The following ALDH3A1 variants were observed in gnomAD, a reference collection of about 807,000 sequenced individuals.
The protein encoded by ALDH3A1 is aldehyde dehydrogenase, dimeric NADP-preferring.
ALDH3A1 carries 46 observed loss-of-function variants against 49.9 expected under a neutral mutation model. The observed-to-expected ratio is 0.92, with a 90% confidence interval of 0.73 to 1.18. The LOEUF (loss-of-function observed/expected upper bound fraction) is 1.18, where lower values mean the gene tolerates loss of function less well. ALDH3A1 is among the 50% of genes most tolerant of loss of function. The pLI, the probability that ALDH3A1 is intolerant of heterozygous loss-of-function variation, is 0.00. For missense variants in ALDH3A1, 592 were observed against 611.8 expected (o/e 0.97, Z 0.34); for synonymous variants, 269 against 253.3 (o/e 1.06, Z -0.59).
rs1198473403 is a variant in ALDH3A1 at position 19,748,124 on chromosome 17, T to G, written c.-6+135A>C. 2 of 320,282 alleles carry G rather than the reference T, an allele frequency of 6.2e-6. No homozygotes were observed. Among genetic ancestry groups the G allele is most frequent in the East Asian group, 1.5e-4 (2 of 13,066 alleles). 19.8% of individuals were successfully genotyped at this position (320,282 alleles called of 1,614,324 possible). On this transcript the variant is annotated intron_variant, in intron 1 of 10. Transcript: ENST00000225740. The surrounding 1 kb of genome is among the most constrained non-coding windows in gnomAD (Gnocchi z 4.4). ...AGCTGCCAGAGGTCCAGGAGGATGC[T>G]CCAGAGATGATGGTCCCAGAGGCAG...
Position 19,743,730 on chromosome 17 carries a change from C to T in ALDH3A1, c.163-267G>A. 1 of 981,042 alleles carries T rather than the reference C, an allele frequency of 1.0e-6. No homozygotes were observed. The highest frequency in any genetic ancestry group is 1.2e-6 in the Non-Finnish European group (1 of 829,596). The allele number at this position is 981,042 out of a possible 1,614,324, so 60.8% of individuals were successfully genotyped here. On this transcript the variant is annotated intron_variant, in intron 2 of 10. Transcript: ENST00000225740. The surrounding 1 kb of genome is among the most constrained non-coding windows in gnomAD (Gnocchi z 4.4). Reference sequence around the variant, plus strand: ...AGCCGGTGAAGGGACCAGGCATGGGCAACGGAATGGATCCAGGTAGGGGGA... The same window carrying T: ...AGCCGGTGAAGGGACCAGGCATGGGTAACGGAATGGATCCAGGTAGGGGGA...
intron 5 of ALDH3A1, 117 bp from the exon 6 acceptor site, chr17:19,741,327 T>C: frequency 1.2e-6 from 1 of 828,790 alleles, no homozygotes; most frequent in South Asian, 1.5e-5. Flanking sequence ...TTGCCACCAG[T>C]GAGTCCTCCC....
chr17:19,744,295 G>A (rs2086557369), intron 2 of ALDH3A1: 2 of 675,440 alleles, frequency 3.0e-6, no homozygotes, highest in Admixed American at 1.3e-4. Context: ...CCCAGCTACT[G>A]GGGAGGCTGA....
intron 5 of ALDH3A1, chr17:19,741,433 G>T (rs2086490604): frequency 2.0e-6 from 1 of 498,820 alleles, no homozygotes; most frequent in East Asian, 3.5e-5. Context: ...GAGGACGTCT[G>T]TTGAGGGCAA....
chr17:19,742,336 G>T (rs1490025435), intron 4 of ALDH3A1, 124 bp from the exon 5 acceptor site: 2 of 1,190,472 alleles, frequency 1.7e-6, no homozygotes, highest in South Asian at 1.4e-5. Flanking sequence ...CCTTGGGCGG[G>T]GGGTAGCAGT....
intron 7 of ALDH3A1, among the ~76,000 whole-genome samples, chr17:19,739,888 C>T (rs773261701): frequency 1.2e-4 from 18 of 152,174 alleles, no homozygotes; most frequent in Admixed American, 2.6e-4. Context: ...TTAACCTGTA[C>T]GGAAGGACCC....
intron 2 of ALDH3A1, 73 bp downstream of exon 2, chr17:19,744,895 T>TGCCCCGCCCCCCCC: frequency 1.1e-6 from 1 of 924,176 alleles, no homozygotes; most frequent in Non-Finnish European, 1.4e-6. Flanking sequence ...GGTCGCACTC[T>TGCCCCGCCCCCCCC]CCCCAGCCCC....
At chr17:19,744,918 C>CCCT in intron 2 of ALDH3A1, 50 bp downstream of exon 2, 1 of 1,382,434 alleles carries the variant, frequency 7.2e-7, no homozygotes, top group South Asian at 1.4e-5. Flanking sequence ...CCCCCACGCC[C>CCCT]CATCGCATGG....
rs548349445 is a variant in ALDH3A1 at position 19,742,719 on chromosome 17, A to G, written c.395-89T>C. ...GGACCACACCTGAAGCCTCCCCTCC[A>G]TTGTGTGTCCTCGGGACAGTGGATG... On this transcript the variant is annotated intron_variant, in intron 3 of 10. Coordinates refer to ENST00000225740, the MANE Select transcript of ALDH3A1 (RefSeq NM_000691.5). 57 of 1,600,898 alleles carry G rather than the reference A, an allele frequency of 3.6e-5. No homozygotes were observed. The East Asian group carries it at 9.9e-4, about 28-fold the overall frequency.
At chr17:19,742,390 C>G (rs941702774) in intron 4 of ALDH3A1, among the ~76,000 whole-genome samples, 155 bp downstream of exon 4, 1 of 152,158 alleles carries the variant, frequency 6.6e-6, no homozygotes, top group South Asian at 2.1e-4. Flanking sequence ...GCTCTGTTCA[C>G]CCCAATGAGA....
intron 2 of ALDH3A1, 67 bp downstream of exon 2, chr17:19,744,901 G>GT: frequency 4.6e-6 from 2 of 434,632 alleles, no homozygotes; most frequent in Non-Finnish European, 6.4e-6. Flanking sequence ...ACTCTCCCCA[G>GT]CCCCTCCCCC....
chr17:19,739,504 C>A lies in ALDH3A1; in HGVS notation c.1116+4G>T, dbSNP rs1409761139. ...GCAGAGGGCACCCCAGGCCCACCACCCACCTTGTCGTTGCTGGAGAACATG... is the reference window on the plus strand; with the variant it reads ...GCAGAGGGCACCCCAGGCCCACCACACACCTTGTCGTTGCTGGAGAACATG... On this transcript the variant is annotated splice_donor_region_variant and intron_variant, in intron 8 of 10. Transcript: ENST00000225740. The A allele has an allele frequency of 1.2e-6, 2 of 1,606,636 alleles. No homozygotes were observed. Among genetic ancestry groups the A allele is most frequent in the Non-Finnish European group, 1.7e-6 (2 of 1,177,240 alleles).
intron 1 of ALDH3A1, among the ~76,000 whole-genome samples, chr17:19,746,108 GGC>G (rs1231320270): frequency 6.6e-6 from 1 of 152,214 alleles, no homozygotes; most frequent in Non-Finnish European, 1.5e-5. Flanking sequence ...TTACAGGCCG[GGC>G]GCGGTGGCTC....
At chr17:19,742,286 G>GC in intron 4 of ALDH3A1, 74 bp from the exon 5 acceptor site, 1 of 1,510,096 alleles carries the variant, frequency 6.6e-7, no homozygotes, top group Non-Finnish European at 9.1e-7. Context: ...TGGGTGAGTT[G>GC]CAGTGGCCAA....
rs755608749 is a variant in ALDH3A1, at chr17:19,742,606, G to A, written c.419C>T (p.Ser140Leu). 1.1e-5 allele frequency: 18 copies of A among 1,613,984 alleles called. No individual in the cohort carries two copies. Among genetic ancestry groups the A allele is most frequent in the Non-Finnish European group, 1.4e-5 (17 of 1,180,010 alleles). Residue 140 changes from serine to leucine, a missense_variant, in exon 4 of 11, where the codon TCG (serine) becomes TTG (leucine). Transcript: ENST00000225740. ...GCTCGCCATGTTCTCACTCAGCTCC[G>A]AGGGCTTGAGGACCACTGAGTTCCC... ...AAGNSVVLKP[S>L]ELSENMASLL...
Position 19,743,977 on chromosome 17 carries a change from C to T in ALDH3A1, c.163-514G>A, listed in dbSNP as rs373338484. 382 of 985,256 alleles carry T rather than the reference C, an allele frequency of 3.9e-4. 5 individuals carry two copies. The South Asian group carries it at 0.016, about 40-fold the overall frequency. The allele number at this position is 985,256 out of a possible 1,614,324, so 61.0% of individuals were successfully genotyped here. A position where few individuals can be genotyped will look rare whatever the true frequency, so the allele number is the denominator to read the frequency against. On this transcript the variant is annotated intron_variant, in intron 2 of 10. Transcript: ENST00000225740. The surrounding 1 kb of genome is among the most constrained non-coding windows in gnomAD (Gnocchi z 4.4). ...CAGGGGTGAGAAGAGGAGATGCAGACGGCGGAAAACGCGTCTCTTTTATAA... is the reference window on the plus strand; with the variant it reads ...CAGGGGTGAGAAGAGGAGATGCAGATGGCGGAAAACGCGTCTCTTTTATAA...
At chr17:19,741,475 G>A (rs1206692776) in intron 5 of ALDH3A1, 3 of 414,484 alleles carry the variant, frequency 7.2e-6, no homozygotes, top group East Asian at 4.5e-5. Flanking sequence ...CCCTTGTCCT[G>A]CACAGCCAGG....
intron 2 of ALDH3A1, chr17:19,744,307 G>A (rs904993141): frequency 2.8e-6 from 2 of 716,136 alleles, no homozygotes; most frequent in Non-Finnish European, 3.4e-6. Flanking sequence ...GGAGGCTGAG[G>A]CAGGAGAATT....
chr17:19,742,017 C>G lies in ALDH3A1; in HGVS notation c.676G>C (p.Asp226His). The G allele has an allele frequency of 6.2e-7, 1 of 1,613,792 alleles. No homozygotes were observed. The highest frequency in any genetic ancestry group is 1.1e-5 in the South Asian group (1 of 91,078). The change falls in exon 5 of 11, where the codon GAC becomes CAC. Residue 226 changes from aspartate to histidine, a missense_variant. Physicochemically the swap from Asp to His is moderately conservative, Grantham distance 81. Transcript: ENST00000225740. ...PCYVDKNCDL[D>H]VACRRIAWGK... ...CGTGCCTCTCACCGGCAGGCCACGTCCAGGTCACAGTTCTTGTCCACGTAG... is the reference window on the plus strand; with the variant it reads ...CGTGCCTCTCACCGGCAGGCCACGTGCAGGTCACAGTTCTTGTCCACGTAG...
Sources: allele counts gnomAD v4.1 joint callset (sites outside exome capture counted in the v4.1 genomes callset), GRCh38; gene constraint gnomAD v4.1.1; non-coding constraint Gnocchi (gnomAD v3.1); transcripts MANE v1.5; gene names NCBI Gene and HGNC (gene_info 2026-07-23, HGNC 2026-07-21).